FAM98B: variants seen among roughly 807,000 people sequenced by gnomAD.
The protein encoded by FAM98B is tRNA-splicing ligase complex subunit FAM98B.
A neutral mutation model predicts 43.9 loss-of-function variants in FAM98B; 32 were observed. The observed-to-expected ratio is 0.73, with a 90% CI of 0.55 to 0.98. FAM98B has a LOEUF of 0.98. FAM98B is among the 50% of genes least tolerant of loss of function. FAM98B has a pLI of 0.00. For missense variants in FAM98B, 514 were observed against 522.9 expected (o/e 0.98, Z 0.17); for synonymous variants, 190 against 174.0 (o/e 1.09, Z -0.72).
chr15:38,479,575 C>T (rs1890254637), intron 6 of FAM98B, among the ~76,000 whole-genome samples: 1 of 152,190 alleles, frequency 6.6e-6, no homozygotes, highest in South Asian at 2.1e-4. Context: ...TGTAACAGTA[C>T]TAAATTTCTT....
At chr15:38,460,885 C>T (rs2141052317) in intron 1 of FAM98B, among the ~76,000 whole-genome samples, 1 of 152,214 alleles carries the variant, frequency 6.6e-6, no homozygotes, top group African/African-American at 2.4e-5. Context: ...GGTATTGTGG[C>T]AACTAAATGA....
chr15:38,476,824 A>G (rs1040011612), intron 6 of FAM98B, among the ~76,000 whole-genome samples: 3 of 151,320 alleles, frequency 2.0e-5, no homozygotes, highest in African/African-American at 7.3e-5. Context: ...TTGGTTGTCC[A>G]TATTTAAGAG....
At position 38,465,352 on chromosome 15, in the gene FAM98B, G is replaced by A; in HGVS notation, c.301G>A (p.Gly101Arg). ...MACPYSVLIS[G>R]DIKDRLKKKE... ...ATGTCCATATTCTGTACTCATATCA[G>A]GAGATATTAAAGATCGTTTAAAAAA... Residue 101 changes from glycine to arginine, a missense_variant, in exon 3 of 8, where the codon GGA becomes AGA. Coordinates refer to ENST00000397609, the MANE Select transcript of FAM98B (RefSeq NM_173611.4). The A allele has an allele frequency of 6.2e-7, 1 of 1,609,030 alleles. No individual in the cohort carries two copies. The highest frequency in any genetic ancestry group is 1.7e-5 in the Admixed American group (1 of 59,018).
Position 38,455,439 on chromosome 15 carries a change from A to T in FAM98B, c.71+1207A>T, listed in dbSNP as rs1889833078. On this transcript the variant is annotated intron_variant, in intron 1 of 7. Transcript: ENST00000397609. ...TCTCTAAAACTGCATTTGCCCCTCT[A>T]TCAATTGTTTCTTTAGTTGAACCCT... Among the ~76,000 whole-genome samples the T allele has an allele frequency of 2.0e-5, 3 of 151,896 alleles. No homozygotes were observed. The South Asian group carries it at 6.2e-4, about 32-fold the overall frequency.
intron 1 of FAM98B, among the ~76,000 whole-genome samples, chr15:38,458,069 T>C (rs1889878506): frequency 6.6e-6 from 1 of 151,850 alleles, no homozygotes; most frequent in African/African-American, 2.4e-5. Flanking sequence ...GGTTCGAGAC[T>C]ATGGCTAGAT....
chr15:38,469,098 G>C (rs1038221543), intron 3 of FAM98B, among the ~76,000 whole-genome samples: 1 of 152,002 alleles, frequency 6.6e-6, no homozygotes, highest in African/African-American at 2.4e-5. Context: ...TAGAGTCGGG[G>C]TTTCACCATG....
intron 6 of FAM98B, among the ~76,000 whole-genome samples, chr15:38,476,308 A>G (rs1247537201): frequency 6.6e-6 from 1 of 151,566 alleles, no homozygotes; most frequent in Non-Finnish European, 1.5e-5. Context: ...TGGGCTCTTT[A>G]TCCTTGGAGT....
chr15:38,471,979 C>G (rs1227048703), intron 4 of FAM98B, among the ~76,000 whole-genome samples: 2 of 152,050 alleles, frequency 1.3e-5, no homozygotes, highest in Admixed American at 6.6e-5. Context: ...ATACATCACC[C>G]CTGTGTTGTA....
chr15:38,466,182 TTGTGTGTGTGTGTG>T lies in FAM98B; in HGVS notation c.352+803_352+816del, dbSNP rs35919139. 7.1e-4 allele frequency among the ~76,000 whole-genome samples: 105 copies of T among 147,760 alleles called. No homozygotes were observed. In the East Asian group the frequency reaches 9.7e-3, roughly 14 times the overall value. ...AAGTTTGTTTCATTAGAGATGAAATTTGTGTGTGTGTGTGTGTGTGTGTGTGTGTGTGTGTGTTT... is the reference window on the plus strand; with the variant it reads ...AAGTTTGTTTCATTAGAGATGAAATTTGTGTGTGTGTGTGTGTGTGTGTTT... On this transcript the variant is annotated intron_variant, in intron 3 of 7. Transcript: ENST00000397609.
intron 7 of FAM98B, chr15:38,481,896 C>G: frequency 3.8e-6 from 1 of 260,612 alleles, no homozygotes; most frequent in South Asian, 5.6e-5. Flanking sequence ...TGACCCTGAG[C>G]AAGCTACTGA....
Position 38,486,944 on chromosome 15 carries a change from C to G in FAM98B, c.*2285C>G, listed in dbSNP as rs1890384980. 1 of 152,040 alleles carries G rather than the reference C, an allele frequency of 6.6e-6. No individual in the cohort carries two copies. The highest frequency in any genetic ancestry group is 2.4e-5 in the African/African-American group (1 of 41,404). 9.4% of individuals were successfully genotyped at this position (152,040 alleles called of 1,614,324 possible). A position where few individuals can be genotyped will look rare whatever the true frequency, so the allele number is the denominator to read the frequency against. ...CTCCACTGCTTCCTAAAATCCAACA[C>G]TTTTTTTGATACCTCCTTTTCATTC... On this transcript the variant is annotated 3_prime_UTR_variant, in exon 8 of 8. Coordinates refer to ENST00000397609, the MANE Select transcript of FAM98B (RefSeq NM_173611.4).
At chr15:38,469,055 G>A (rs1890083377) in intron 3 of FAM98B, among the ~76,000 whole-genome samples, 1 of 152,234 alleles carries the variant, frequency 6.6e-6, no homozygotes, top group East Asian at 1.9e-4. Context: ...ACAGGCGCAT[G>A]CTGCCATGCC....
At chr15:38,461,830 G>A (rs1187956533) in intron 1 of FAM98B, among the ~76,000 whole-genome samples, 2 of 152,170 alleles carry the variant, frequency 1.3e-5, no homozygotes, top group South Asian at 2.1e-4. Context: ...TGAATTATGA[G>A]GGAATGGGTA....
intron 1 of FAM98B, chr15:38,458,863 C>A: frequency 2.1e-6 from 1 of 466,732 alleles, no homozygotes; most frequent in Admixed American, 2.3e-5. Flanking sequence ...ACCAGGACTG[C>A]ACAGGCACTG....
chr15:38,479,822 A>G (rs2141061592), intron 6 of FAM98B, among the ~76,000 whole-genome samples: 2 of 152,310 alleles, frequency 1.3e-5, no homozygotes, highest in African/African-American at 2.4e-5. Context: ...TTTCCACTTA[A>G]GTTTATATGA....
rs1242155779 is a variant in FAM98B, at chr15:38,454,274, T to C, written c.71+42T>C. The C allele has an allele frequency of 3.2e-6, 5 of 1,566,920 alleles. No homozygotes were observed. In the South Asian group the frequency reaches 4.7e-5, roughly 15 times the overall value. ...ACGCCTTTTCCCTGAAAACGCAACC[T>C]CTCCTTGGCCTGGCTGCTTAGCCTA... is the stretch of plus-strand genomic sequence containing the variant. On this transcript the variant is annotated intron_variant, in intron 1 of 7. Coordinates refer to ENST00000397609, the MANE Select transcript of FAM98B (RefSeq NM_173611.4).
At chr15:38,479,315 C>A (rs559349040) in intron 6 of FAM98B, among the ~76,000 whole-genome samples, 2 of 152,248 alleles carry the variant, frequency 1.3e-5, no homozygotes, top group South Asian at 4.2e-4. Flanking sequence ...TTAGTCTGTT[C>A]ACTGTGTTGT....
Position 38,474,318 on chromosome 15 carries a change from T to C in FAM98B, c.729+20T>C. ...GCAAAGGTAAGGCTGTTTTCCCATATGTGTCCTGTAGGTGGTAGCCTATAA... is the reference window on the plus strand; with the variant it reads ...GCAAAGGTAAGGCTGTTTTCCCATACGTGTCCTGTAGGTGGTAGCCTATAA... On this transcript the variant is annotated intron_variant, in intron 6 of 7. Transcript: ENST00000397609. 1.9e-6 allele frequency: 3 copies of C among 1,555,882 alleles called. No homozygotes were observed. Among genetic ancestry groups the C allele is most frequent in the Non-Finnish European group, 2.7e-6 (3 of 1,128,704 alleles).
At chr15:38,469,715 T>C (rs1486841710) in intron 3 of FAM98B, among the ~76,000 whole-genome samples, 1 of 152,194 alleles carries the variant, frequency 6.6e-6, no homozygotes, top group Non-Finnish European at 1.5e-5. Context: ...AAATAAACCA[T>C]TTCTCTTTTT....
Sources: allele counts gnomAD v4.1 joint callset (sites outside exome capture counted in the v4.1 genomes callset), GRCh38; gene constraint gnomAD v4.1.1; transcripts MANE v1.5; gene names NCBI Gene and HGNC (gene_info 2026-07-23, HGNC 2026-07-21).